LAMA4: variants seen among roughly 807,000 people sequenced by gnomAD.
LAMA4 encodes the protein laminin subunit alpha-4.
Under a neutral mutation model 207.1 loss-of-function variants are expected in LAMA4, and 127 were observed. That is an observed-to-expected ratio of 0.61 (90% CI 0.53 to 0.71). LAMA4 has a LOEUF of 0.71. Among genes scored for constraint, LAMA4 ranks in the 30% least tolerant of loss-of-function variants. LAMA4 has a pLI of 0.00. For missense variants in LAMA4, 2,093 were observed against 2,246.5 expected (o/e 0.93, Z 1.38); for synonymous variants, 761 against 816.0 (o/e 0.93, Z 1.15).
intron 32 of LAMA4, 137 bp from the exon 33 acceptor site, chr6:112,120,609 T>C (rs1257598101): frequency 2.9e-6 from 2 of 688,178 alleles, no homozygotes; most frequent in Non-Finnish European, 5.0e-6. Context: ...TATTCCACAC[T>C]TAGTATTATT....
intron 2 of LAMA4, chr6:112,234,905 T>TGGATATCCAAATACCTTC (rs1785799744): frequency 6.6e-6 from 1 of 152,218 alleles, no homozygotes; most frequent in African/African-American, 2.4e-5. Context: ...CAAATATCTT[T>TGGATATCCAAATACCTTC]GGATATCCAA....
chr6:112,241,138 A>AATATAT (rs200599976), intron 2 of LAMA4, among the ~76,000 whole-genome samples: 8 of 46,360 alleles, frequency 1.7e-4, no homozygotes, highest in East Asian at 8.0e-4. Context: ...AATATATAGG[A>AATATAT]ATATATATAT....
rs781936669 is a variant in LAMA4, at chr6:112,201,688, A to C, written c.423T>G (p.Asn141Lys). The change falls in exon 5 of 39, where the codon AAT becomes AAG. Residue 141 changes from asparagine (N) to lysine (K), a missense_variant and splice_region_variant. Asn to Lys is a moderately conservative substitution (Grantham distance 94). Coordinates refer to ENST00000230538, the MANE Select transcript of LAMA4 (RefSeq NM_001105206.3). ...TTTTCCTATAGCAGGATTCTGCAAA[A>C]CTAAAATTGGAAGCAAATATTGGAA... ...PCPCPLPHLA[N>K]FAESCYRKNG... 6.2e-7 allele frequency: 1 copy of C among 1,613,508 alleles called. No homozygotes were observed. The highest frequency in any genetic ancestry group is 8.5e-7 in the Non-Finnish European group (1 of 1,179,494).
At chr6:112,234,894 ACAAATATCTTTGGATATC>A (rs1344838261) in intron 2 of LAMA4, 7 of 152,232 alleles carry the variant, frequency 4.6e-5, no homozygotes, top group Admixed American at 4.6e-4. Context: ...GGAGAACCTT[ACAAATATCTTTGGATATC>A]CAAATATCTT....
In LAMA4 at chr6:112,120,488, A is replaced by G. The variant is rs1303228235; in HGVS notation, c.4476-16T>C. ...AAACTGAGATCTGGTAAATGAAAAG[A>G]AAGGGATTACCATATGTAAAATGAG... On this transcript the variant is annotated splice_polypyrimidine_tract_variant and intron_variant, in intron 32 of 38. Coordinates refer to ENST00000230538, the MANE Select transcript of LAMA4 (RefSeq NM_001105206.3). 1 of 1,592,772 alleles carries G rather than the reference A, an allele frequency of 6.3e-7. No homozygotes were observed. The highest frequency in any genetic ancestry group is 1.3e-5 in the African/African-American group (1 of 74,630).
At chr6:112,242,327 A>AT (rs370848574) in intron 2 of LAMA4, among the ~76,000 whole-genome samples, 179 of 152,254 alleles carry the variant, frequency 1.2e-3, no homozygotes, top group African/African-American at 4.2e-3. Flanking sequence ...TGAAGTACAC[A>AT]TTTTCAGGTA....
At position 112,119,251 on chromosome 6, in the gene LAMA4, C is replaced by G. The variant is rs782123488; in HGVS notation, c.4726G>C (p.Glu1576Gln). Residue 1576 changes from glutamate (E) to glutamine (Q), a missense_variant, in exon 34 of 39, where the codon GAA becomes CAA. Transcript: ENST00000230538. ...RLVIDGLRVL[E>Q]ESLPPTEATW... is the part of the protein sequence containing the mutation. ...GCTTCAGTAGGAGGAAGACTTTCTTCTAGGACTCGGAGACCATCAATTACC... is the reference window on the plus strand; with the variant it reads ...GCTTCAGTAGGAGGAAGACTTTCTTGTAGGACTCGGAGACCATCAATTACC... The G allele has an allele frequency of 6.2e-6, 10 of 1,613,916 alleles. No homozygotes were observed. The highest frequency in any genetic ancestry group is 8.5e-6 in the Non-Finnish European group (10 of 1,179,924).
intron 4 of LAMA4, among the ~76,000 whole-genome samples, chr6:112,202,116 C>A (rs1415394677): frequency 6.6e-6 from 1 of 152,098 alleles, no homozygotes; most frequent in South Asian, 2.1e-4. Flanking sequence ...TATATAATCT[C>A]CACAGAATTA....
At chr6:112,239,838 C>G (rs1461345788) in intron 2 of LAMA4, among the ~76,000 whole-genome samples, 3 of 151,908 alleles carry the variant, frequency 2.0e-5, no homozygotes, top group African/African-American at 7.3e-5. Context: ...CCGAGGCGGG[C>G]GGATCACGAG....
intron 32 of LAMA4, among the ~76,000 whole-genome samples, chr6:112,121,254 C>T (rs782685206): frequency 1.7e-4 from 26 of 152,112 alleles, no homozygotes; most frequent in Non-Finnish European, 3.4e-4. Context: ...AGCAGCCACC[C>T]GAGCGTGTAG....
In LAMA4 at chr6:112,206,095, T is replaced by C. The variant is rs542403304; in HGVS notation, c.422+926A>G. Among the ~76,000 whole-genome samples, 11 of 152,320 alleles carry C rather than the reference T, an allele frequency of 7.2e-5. No homozygotes were observed. In the South Asian group the frequency reaches 2.3e-3, roughly 32 times the overall value. On this transcript the variant is annotated intron_variant, in intron 4 of 38. Coordinates refer to ENST00000230538, the MANE Select transcript of LAMA4 (RefSeq NM_001105206.3). ...TAACCTTTTAACAAACTGACAGTCA[T>C]AAGCATAGCACTTTTCTAAACTCTG...
intron 10 of LAMA4, among the ~76,000 whole-genome samples, chr6:112,177,458 A>G (rs1353345065): frequency 6.6e-6 from 1 of 152,226 alleles, no homozygotes; most frequent in African/African-American, 2.4e-5. Context: ...TTTATCCTAT[A>G]ACAGATGAAA....
At chr6:112,179,813 A>G (rs1457361282) in intron 9 of LAMA4, 9 of 440,438 alleles carry the variant, frequency 2.0e-5, no homozygotes, top group Admixed American at 1.8e-4. Context: ...AGGCTCCTGT[A>G]GTCACAGAGC....
intron 7 of LAMA4, 83 bp downstream of exon 7, chr6:112,189,027 G>T: frequency 1.0e-6 from 1 of 994,968 alleles, no homozygotes. Context: ...TCTAGAGAGT[G>T]ATATTGCATA....
intron 30 of LAMA4, among the ~76,000 whole-genome samples, chr6:112,129,441 G>A (rs1217844289): frequency 6.6e-6 from 1 of 152,072 alleles, no homozygotes; most frequent in Non-Finnish European, 1.5e-5. Flanking sequence ...TAGATTAATA[G>A]CTTTCTTTAA....
At chr6:112,189,237 G>A in intron 6 of LAMA4, 32 bp from the exon 7 acceptor site, 1 of 1,485,130 alleles carries the variant, frequency 6.7e-7, no homozygotes, top group Non-Finnish European at 9.4e-7. Flanking sequence ...GACGAGAAAT[G>A]CACTTCTTAA....
intron 5 of LAMA4, among the ~76,000 whole-genome samples, chr6:112,195,180 A>T (rs554299934): frequency 1.2e-4 from 18 of 152,072 alleles, no homozygotes; most frequent in Non-Finnish European, 2.6e-4. Context: ...TGGCTCAGAA[A>T]CCTTTCTGGG....
chr6:112,165,468 T>A (rs1554339689), intron 12 of LAMA4, among the ~76,000 whole-genome samples, 192 bp from the exon 13 acceptor site: 1 of 152,208 alleles, frequency 6.6e-6, no homozygotes, highest in Non-Finnish European at 1.5e-5. Context: ...AATACAGAGA[T>A]AACAACAGTA....
At chr6:112,248,001 C>CA (rs1787122165) in intron 2 of LAMA4, among the ~76,000 whole-genome samples, 1 of 152,090 alleles carries the variant, frequency 6.6e-6, no homozygotes, top group Admixed American at 6.5e-5. Flanking sequence ...ATAAGTACTG[C>CA]ATGATTATGT....
Sources: allele counts gnomAD v4.1 joint callset (sites outside exome capture counted in the v4.1 genomes callset), GRCh38; gene constraint gnomAD v4.1.1; transcripts MANE v1.5; gene names NCBI Gene and HGNC (gene_info 2026-07-23, HGNC 2026-07-21).